Variants in PCCA observed in about 807,000 individuals in gnomAD.
PCCA encodes the protein propionyl-CoA carboxylase subunit alpha.
A neutral mutation model predicts 101.3 loss-of-function variants in PCCA; 74 were observed. The observed-to-expected ratio is 0.73, with a 90% CI of 0.61 to 0.89. The LOEUF is 0.89. PCCA is among the 40% of genes least tolerant of loss of function. The pLI is 0.00. For missense variants in PCCA, 891 were observed against 907.0 expected, an observed-to-expected ratio of 0.98 and a Z score of 0.23; for synonymous variants, 294 against 313.6, an observed-to-expected ratio of 0.94 and a Z score of 0.66.
intron 10 of PCCA, among the ~76,000 whole-genome samples, chr13:100,265,688 A>G (rs1595015617): frequency 6.6e-6 from 1 of 152,086 alleles, no homozygotes; most frequent in East Asian, 1.9e-4. Flanking sequence ...ACATCTTAAC[A>G]ATGTTGAATT....
intron 4 of PCCA, among the ~76,000 whole-genome samples, chr13:100,122,336 G>T (rs1460414062): frequency 6.6e-6 from 1 of 152,036 alleles, no homozygotes; most frequent in East Asian, 1.9e-4. Context: ...TGGTTTTGGT[G>T]TTAGTGTGAT....
At chr13:100,485,042 C>T (rs1468310336) in intron 21 of PCCA, among the ~76,000 whole-genome samples, 1 of 151,234 alleles carries the variant, frequency 6.6e-6, no homozygotes, top group Non-Finnish European at 1.5e-5. Context: ...CCCTTCCTGC[C>T]CTCTCTCTCT....
intron 6 of PCCA, among the ~76,000 whole-genome samples, chr13:100,163,208 A>AT (rs1566613517): frequency 6.6e-6 from 1 of 151,938 alleles, no homozygotes; most frequent in African/African-American, 2.4e-5. Context: ...TGAGGCTGGG[A>AT]TTTTTTTCCC....
At chr13:100,160,607 A>T (rs971287069) in intron 6 of PCCA, 1 of 152,142 alleles carries the variant, frequency 6.6e-6, no homozygotes, top group African/African-American at 2.4e-5. Context: ...ATTTTCAATA[A>T]TTTTAATGTG....
At chr13:100,393,518 A>AAG (rs1247842663) in intron 19 of PCCA, among the ~76,000 whole-genome samples, 1 of 149,036 alleles carries the variant, frequency 6.7e-6, no homozygotes, top group Non-Finnish European at 1.5e-5. Flanking sequence ...TCCCGGGTTC[A>AAG]AGCGATTCTC....
chr13:100,497,199 T>C (rs1236142078), intron 21 of PCCA, among the ~76,000 whole-genome samples: 2 of 152,252 alleles, frequency 1.3e-5, no homozygotes, highest in African/African-American at 4.8e-5. Context: ...GTTAATTTGG[T>C]TGCACTGGAA....
chr13:100,473,510 A>G (rs374981319), intron 21 of PCCA, among the ~76,000 whole-genome samples: 14 of 152,178 alleles, frequency 9.2e-5, no homozygotes, highest in South Asian at 2.1e-4. Flanking sequence ...AGAATTTTCT[A>G]TTTCTTAGGT....
At chr13:100,339,052 G>A (rs1211291953) in intron 17 of PCCA, among the ~76,000 whole-genome samples, 2 of 151,760 alleles carry the variant, frequency 1.3e-5, no homozygotes, top group Admixed American at 6.6e-5. Flanking sequence ...GACCCTTTCA[G>A]GTACAAAAAT....
At chr13:100,232,348 A>ATGAGTGTG (rs1555387961) in intron 7 of PCCA, among the ~76,000 whole-genome samples, 5 of 60,384 alleles carry the variant, frequency 8.3e-5, no homozygotes, top group Non-Finnish European at 1.6e-4. Flanking sequence ...GTGTGTGTGT[A>ATGAGTGTG]TGCGTGTGTG....
intron 17 of PCCA, 34 bp downstream of exon 17, chr13:100,330,705 AGTT>A: frequency 7.9e-7 from 1 of 1,262,636 alleles, no homozygotes. Flanking sequence ...AGTGTTTTAA[AGTT>A]GTTATTTTTA....
chr13:100,228,303 A>G (rs955022903), intron 7 of PCCA, among the ~76,000 whole-genome samples: 4 of 152,234 alleles, frequency 2.6e-5, no homozygotes, highest in Non-Finnish European at 5.9e-5. Context: ...GGCGTGAGCC[A>G]CCATGCCTGG....
intron 4 of PCCA, 50 bp downstream of exon 4, chr13:100,112,111 C>A: frequency 3.0e-6 from 4 of 1,353,674 alleles, no homozygotes; most frequent in Non-Finnish European, 4.2e-6. Flanking sequence ...TTGGGTCAAG[C>A]AGAAAAAGTG....
At chr13:100,420,022 A>T (rs977748249) in intron 19 of PCCA, among the ~76,000 whole-genome samples, 3 of 152,260 alleles carry the variant, frequency 2.0e-5, no homozygotes, top group African/African-American at 7.2e-5. Flanking sequence ...AAACTACTCC[A>T]GTGTTTTCAC....
intron 6 of PCCA, among the ~76,000 whole-genome samples, chr13:100,203,318 G>A (rs2058651881): frequency 6.6e-6 from 1 of 151,124 alleles, no homozygotes. Flanking sequence ...TTGATCTATT[G>A]TATTGGTATG....
At chr13:100,274,271 T>C (rs183535589) in intron 12 of PCCA, among the ~76,000 whole-genome samples, 45 of 152,336 alleles carry the variant, frequency 3.0e-4, no homozygotes, top group African/African-American at 9.6e-4. Context: ...GTATTCGTTC[T>C]TTTGTGCCTG....
At chr13:100,493,920 G>T (rs2085086695) in intron 21 of PCCA, among the ~76,000 whole-genome samples, 1 of 152,204 alleles carries the variant, frequency 6.6e-6, no homozygotes, top group Non-Finnish European at 1.5e-5. Flanking sequence ...GCTGGGCGCG[G>T]TGGCTCACGC....
intron 10 of PCCA, among the ~76,000 whole-genome samples, chr13:100,265,581 CCCACTCCCACCTCTACCT>C (rs1325433243): frequency 6.6e-6 from 1 of 152,160 alleles, no homozygotes; most frequent in African/African-American, 2.4e-5. Context: ...CCTACACCCA[CCCACTCCCACCTCTACCT>C]CCACTCCCAC....
At chr13:100,236,972 A>T (rs1488009134) in intron 8 of PCCA, 1 of 152,226 alleles carries the variant, frequency 6.6e-6, no homozygotes, top group Non-Finnish European at 1.5e-5. Context: ...TAGGGATCCC[A>T]GCGTCTTCTC....
chr13:100,157,431 T>C (rs373129598), intron 6 of PCCA, 91 bp downstream of exon 6: 2 of 871,218 alleles, frequency 2.3e-6, no homozygotes, highest in Non-Finnish European at 3.9e-6. Flanking sequence ...TGATGGATTA[T>C]AGAATTTTAA....
Sources: allele counts gnomAD v4.1 joint callset (sites outside exome capture counted in the v4.1 genomes callset), GRCh38; gene constraint gnomAD v4.1.1; transcripts MANE v1.5; gene names NCBI Gene and HGNC (gene_info 2026-07-23, HGNC 2026-07-21).